DAB2IP: variants seen among roughly 807,000 people sequenced by gnomAD.
DAB2IP encodes DAB2 interacting protein, also known as disabled homolog 2-interacting protein.
A neutral mutation model predicts 107.2 loss-of-function variants in DAB2IP; 28 were observed. The ratio of observed to expected loss-of-function variants is 0.26; its 90% CI spans 0.19 to 0.36. The LOEUF is 0.36. Ranked by LOEUF, DAB2IP falls within the 10% of genes least tolerant of loss-of-function variation. The pLI is 1.00. For synonymous variants in DAB2IP, 755 were observed against 706.4 expected (o/e 1.07, Z -1.09); for missense variants, 1,400 against 1,644.7 (o/e 0.85, Z 2.57).
chr9:121,704,307 T>C (rs1829945414), intron 3 of DAB2IP, among the ~76,000 whole-genome samples: 1 of 152,238 alleles, frequency 6.6e-6, no homozygotes, highest in Non-Finnish European at 1.5e-5. Flanking sequence ...AGTGCTTACC[T>C]GTTTCCTCAC....
rs537930031 is a variant in DAB2IP, at chr9:121,757,279, G to GTCTTGGGGATAGTGGCCAGGC, written c.516+122_516+123insTAGTGGCCAGGCTCTTGGGGA. On this transcript the variant is annotated intron_variant, in intron 4 of 15. Coordinates refer to ENST00000408936, the Ensembl canonical transcript of DAB2IP. ...TGCTGTGGCCTCAGCAGGGGCCAGG[G>GTCTTGGGGATAGTGGCCAGGC]TCTTGGGGACAGTGGCTAGTAGTTA... 8,487 of 1,403,190 alleles carry GTCTTGGGGATAGTGGCCAGGC rather than the reference G, an allele frequency of 6.0e-3. 440 individuals are homozygous for GTCTTGGGGATAGTGGCCAGGC. In the African/African-American group the frequency reaches 0.11, roughly 18 times the overall value. 86.9% of individuals were successfully genotyped at this position (1,403,190 alleles called of 1,614,324 possible). A position where few individuals can be genotyped will look rare whatever the true frequency, so the allele number is the denominator to read the frequency against.
At chr9:121,632,920 T>C (rs1831947680) in intron 1 of DAB2IP, among the ~76,000 whole-genome samples, 1 of 152,140 alleles carries the variant, frequency 6.6e-6, no homozygotes, top group Non-Finnish European at 1.5e-5. Context: ...CTGCTCACAC[T>C]GGGGCTGATA....
In DAB2IP at chr9:121,684,192, C is replaced by T. The variant is rs1828739664; in HGVS notation, c.228+5411C>T. Among the ~76,000 whole-genome samples the T allele has an allele frequency of 6.6e-6, 1 of 152,142 alleles. No individual in the cohort carries two copies. On this transcript the variant is annotated intron_variant, in intron 2 of 15. Transcript: ENST00000408936. This position sits in a 1 kb window ranked among gnomAD's most constrained non-coding sequence, Gnocchi z 4.0. The stretch of plus-strand genomic sequence containing the variant: ...CAAACATGCAAGCTAGTGGGTGACC[C>T]TCCCGCCCATGTCACCATGGAAAGG...
At chr9:121,695,123 G>A (rs984713920) in intron 2 of DAB2IP, among the ~76,000 whole-genome samples, 1 of 151,460 alleles carries the variant, frequency 6.6e-6, no homozygotes, top group Non-Finnish European at 1.5e-5. Context: ...TCTCAGTGAG[G>A]TTGCTTTAGG....
chr9:121,609,929 C>T lies in DAB2IP; in HGVS notation c.40+42701C>T, dbSNP rs555159976. 2.7e-4 allele frequency among the ~76,000 whole-genome samples: 41 copies of T among 152,316 alleles called. 2 individuals are homozygous for T. The South Asian group carries it at 5.4e-3, about 20-fold the overall frequency. On this transcript the variant is annotated intron_variant, in intron 1 of 16. Coordinates refer to the DAB2IP transcript ENST00000259371. Reference sequence around the variant, plus strand: ...CTGGGAGCCAGCAACGCCAAGCCTGCAGGTTCCCAGAGAGGGCTCCTGGCG... The same window carrying T: ...CTGGGAGCCAGCAACGCCAAGCCTGTAGGTTCCCAGAGAGGGCTCCTGGCG...
chr9:121,724,508 G>A lies in DAB2IP; in HGVS notation c.362+25050G>A, dbSNP rs1044367834. 1.3e-5 allele frequency among the ~76,000 whole-genome samples: 2 copies of A among 152,218 alleles called. 1 individual carries two copies. The highest frequency in any genetic ancestry group is 1.3e-4 in the Admixed American group (2 of 15,284). On this transcript the variant is annotated intron_variant, in intron 3 of 15. Coordinates refer to ENST00000408936, the Ensembl canonical transcript of DAB2IP. ...CTAGCTGTTGAGTTCACCTGATGTT[G>A]TTACATACTTCGTGTACTTTTCCCA...
At chr9:121,670,931 T>C (rs1273821255) in intron 1 of DAB2IP, among the ~76,000 whole-genome samples, 2 of 151,944 alleles carry the variant, frequency 1.3e-5, no homozygotes, top group East Asian at 3.9e-4. Context: ...GGCAGGAGGA[T>C]CGCGAGGTCA....
chr9:121,701,626 G>T lies in DAB2IP; in HGVS notation c.362+2168G>T, dbSNP rs1829788025. Among the ~76,000 whole-genome samples, 1 of 152,194 alleles carries T rather than the reference G, an allele frequency of 6.6e-6. No individual in the cohort carries two copies. Among genetic ancestry groups the T allele is most frequent in the Non-Finnish European group, 1.5e-5 (1 of 68,034 alleles). On this transcript the variant is annotated intron_variant, in intron 3 of 15. Transcript: ENST00000408936. The surrounding 1 kb of genome is among the most constrained non-coding windows in gnomAD (Gnocchi z 4.7). ...TGAAATAGGCTTTCCCAGGACTGGG[G>T]TCTCCTGATTTGCTGCTTTGCTTAG...
At chr9:121,713,455 C>T (rs543352470) in intron 3 of DAB2IP, among the ~76,000 whole-genome samples, 10 of 152,286 alleles carry the variant, frequency 6.6e-5, no homozygotes, top group South Asian at 4.2e-4. Flanking sequence ...GGCCTAAAAC[C>T]GCCAGATGCC....
chr9:121,751,154 G>GTGGACCTTTCCCTGCTGCCCGGCTGCTA (rs1833088102), intron 3 of DAB2IP: 2 of 191,294 alleles, frequency 1.0e-5, no homozygotes, highest in African/African-American at 5.3e-5. Flanking sequence ...CCCGGCTGCT[G>GTGGACCTTTCCCTGCTGCCCGGCTGCTA]TGGACCTTTC....
chr9:121,740,044 G>A (rs1483609722), intron 3 of DAB2IP, among the ~76,000 whole-genome samples: 1 of 152,116 alleles, frequency 6.6e-6, no homozygotes, highest in Non-Finnish European at 1.5e-5. Context: ...CAGTGGGGTC[G>A]GAACAGACAG....
exon 15 of DAB2IP, chr9:121,781,475 T>C: frequency 2.5e-6 from 4 of 1,613,860 alleles, no homozygotes; most frequent in Non-Finnish European, 2.5e-6. Flanking sequence ...TTGATGTCCG[T>C]GGAGGAAGAA....
At chr9:121,588,198 G>T (rs912740917) in intron 1 of DAB2IP, among the ~76,000 whole-genome samples, 4 of 152,124 alleles carry the variant, frequency 2.6e-5, no homozygotes, top group Admixed American at 1.3e-4. Flanking sequence ...GGTCAAGACC[G>T]TGAGTCCTTC....
chr9:121,697,294 G>C (rs1413954038), intron 2 of DAB2IP, among the ~76,000 whole-genome samples: 1 of 152,178 alleles, frequency 6.6e-6, no homozygotes, highest in African/African-American at 2.4e-5. Flanking sequence ...CATACCTCAA[G>C]ATTGCAAAAA....
At chr9:121,654,540 T>C (rs571201688) in intron 1 of DAB2IP, among the ~76,000 whole-genome samples, 4 of 152,218 alleles carry the variant, frequency 2.6e-5, no homozygotes, top group Admixed American at 6.5e-5. Flanking sequence ...AGGCACCCTG[T>C]CCTCCTCCTC....
At chr9:121,587,769 A>G (rs1830339403) in intron 1 of DAB2IP, among the ~76,000 whole-genome samples, 1 of 152,102 alleles carries the variant, frequency 6.6e-6, no homozygotes, top group African/African-American at 2.4e-5. Context: ...CCTGGGTGAG[A>G]GTGTGGGAGA....
At chr9:121,732,108 T>TAGAA (rs1831579548) in intron 3 of DAB2IP, among the ~76,000 whole-genome samples, 2 of 152,094 alleles carry the variant, frequency 1.3e-5, no homozygotes, top group Non-Finnish European at 2.9e-5. Context: ...GAACCAGCAG[T>TAGAA]CACAGGCTCA....
At chr9:121,715,189 G>A (rs766676776) in intron 3 of DAB2IP, among the ~76,000 whole-genome samples, 3 of 152,180 alleles carry the variant, frequency 2.0e-5, no homozygotes, top group Non-Finnish European at 4.4e-5. Context: ...AGGGCAGGGG[G>A]CTTCATGGTG....
chr9:121,774,323 G>A (rs1041909484), exon 13 of DAB2IP: 20 of 1,613,380 alleles, frequency 1.2e-5, no homozygotes, highest in Non-Finnish European at 1.4e-5. Context: ...GACCATGAAC[G>A]CGCAGTTGTT....
Sources: allele counts gnomAD v4.1 joint callset (sites outside exome capture counted in the v4.1 genomes callset), GRCh38; gene constraint gnomAD v4.1.1; non-coding constraint Gnocchi (gnomAD v3.1); transcripts MANE v1.5; gene names NCBI Gene and HGNC (gene_info 2026-07-23, HGNC 2026-07-21).